FHIT: variants seen among roughly 807,000 people sequenced by gnomAD.
The protein encoded by FHIT is fragile histidine triad diadenosine triphosphatase, also known as bis(5'-adenosyl)-triphosphatase.
In FHIT, 19 loss-of-function variants were observed where a neutral mutation model predicts 17.9. That is an observed-to-expected ratio of 1.06 (90% CI 0.74 to 1.56). The LOEUF (loss-of-function observed/expected upper bound fraction) is 1.56, where lower values mean the gene tolerates loss of function less well. Among genes scored for constraint, FHIT ranks in the 40% most tolerant of loss-of-function variants. The probability of loss-of-function intolerance (pLI) is 0.00; values close to 1 mark genes in which losing one functional copy is unlikely to be tolerated. For synonymous variants in FHIT, 81 were observed against 69.7 expected (o/e 1.16, Z -0.81); for missense variants, 248 against 189.2 (o/e 1.31, Z -1.82).
chr3:60,683,176 A>G (rs1553697357), intron 4 of FHIT, among the ~76,000 whole-genome samples: 1 of 152,216 alleles, frequency 6.6e-6, no homozygotes, highest in Non-Finnish European at 1.5e-5. Flanking sequence ...ACATCGTTGA[A>G]ATGACAACAA....
Position 60,781,846 on chromosome 3 carries a change from T to C in FHIT, c.-18+40073A>G, listed in dbSNP as rs370505106. 8.7e-4 allele frequency among the ~76,000 whole-genome samples: 133 copies of C among 152,364 alleles called. 2 individuals carry two copies. The South Asian group carries it at 0.026, about 30-fold the overall frequency. On this transcript the variant is annotated intron_variant, in intron 4 of 9. Transcript: ENST00000492590. ...ATTTCATTTTTTTCATTTTATTGAA[T>C]ATAGACAAATTATAGTTGTATATCT...
At chr3:60,723,405 T>C (rs1370410835) in intron 4 of FHIT, among the ~76,000 whole-genome samples, 3 of 152,182 alleles carry the variant, frequency 2.0e-5, no homozygotes, top group Non-Finnish European at 4.4e-5. Flanking sequence ...GTGGCCACTA[T>C]GCCTCACCTG....
chr3:61,210,722 G>C (rs1241097601), intron 1 of FHIT, among the ~76,000 whole-genome samples: 1 of 152,068 alleles, frequency 6.6e-6, no homozygotes, highest in East Asian at 2.0e-4. Context: ...TCTTTTACTA[G>C]GAAAGGGAAT....
chr3:60,439,639 C>A (rs545769944), intron 5 of FHIT, among the ~76,000 whole-genome samples: 7 of 152,210 alleles, frequency 4.6e-5, no homozygotes, highest in African/African-American at 1.7e-4. Flanking sequence ...AATACCAGAA[C>A]AGCAGCCTGG....
At chr3:59,800,657 T>C (rs758250958) in intron 8 of FHIT, among the ~76,000 whole-genome samples, 2 of 152,192 alleles carry the variant, frequency 1.3e-5, no homozygotes, top group Non-Finnish European at 2.9e-5. Context: ...GTGCACCCCT[T>C]TCTTGGGCCA....
chr3:60,114,989 T>C (rs550056980), intron 5 of FHIT, among the ~76,000 whole-genome samples: 1 of 152,196 alleles, frequency 6.6e-6, no homozygotes, highest in East Asian at 1.9e-4. Context: ...GGCTAACTAT[T>C]TAAGGAAAAT....
At chr3:61,013,667 A>G (rs1248707450) in intron 3 of FHIT, among the ~76,000 whole-genome samples, 1 of 152,212 alleles carries the variant, frequency 6.6e-6, no homozygotes, top group Non-Finnish European at 1.5e-5. Context: ...TGCCATCATG[A>G]TATCAGAGAA....
At chr3:61,169,705 T>C (rs760501880) in intron 2 of FHIT, among the ~76,000 whole-genome samples, 4 of 152,172 alleles carry the variant, frequency 2.6e-5, no homozygotes, top group Non-Finnish European at 5.9e-5. Context: ...GAAACAAATG[T>C]TAAACAAAAA....
chr3:60,774,426 G>A (rs958497184), intron 4 of FHIT, among the ~76,000 whole-genome samples: 4 of 152,072 alleles, frequency 2.6e-5, no homozygotes, highest in Admixed American at 6.5e-5. Context: ...TCAGCCTCCC[G>A]AGTAGTTGGG....
In FHIT at chr3:61,056,160, G is replaced by A. The variant is rs376569370; in HGVS notation, c.-163-14061C>T. Among the ~76,000 whole-genome samples, 41 of 152,290 alleles carry A rather than the reference G, an allele frequency of 2.7e-4. No homozygotes were observed. In the East Asian group the frequency reaches 3.1e-3, roughly 11 times the overall value. On this transcript the variant is annotated intron_variant, in intron 2 of 9. Transcript: ENST00000492590. ...TTACCTGTTGGGTGGGATGGCTCAC[G>A]CCTGTAATCCCAGCTCTCAGGGAGG...
chr3:60,905,885 C>G (rs1364990365), intron 3 of FHIT, among the ~76,000 whole-genome samples: 1 of 152,070 alleles, frequency 6.6e-6, no homozygotes, highest in Non-Finnish European at 1.5e-5. Context: ...GTGGGACTTT[C>G]TTGAACAATT....
intron 5 of FHIT, among the ~76,000 whole-genome samples, chr3:60,451,064 G>A (rs1317356239): frequency 6.6e-6 from 1 of 152,012 alleles, no homozygotes; most frequent in Non-Finnish European, 1.5e-5. Flanking sequence ...GAAGGCAATC[G>A]CAACATTAAC....
intron 7 of FHIT, among the ~76,000 whole-genome samples, chr3:59,940,569 A>G (rs1189721138): frequency 1.3e-5 from 2 of 152,162 alleles, no homozygotes; most frequent in South Asian, 4.1e-4. Flanking sequence ...GGTTTCTCCC[A>G]CTGGGGTACA....
intron 5 of FHIT, among the ~76,000 whole-genome samples, chr3:60,417,364 T>C (rs1260848769): frequency 6.6e-6 from 1 of 152,112 alleles, no homozygotes; most frequent in Admixed American, 6.6e-5. Context: ...AAAAAATTCG[T>C]TAGAGAATGA....
intron 3 of FHIT, among the ~76,000 whole-genome samples, chr3:60,923,830 G>A (rs962253965): frequency 3.3e-5 from 5 of 152,228 alleles, no homozygotes; most frequent in African/African-American, 7.2e-5. Flanking sequence ...GGTGACAGAC[G>A]GCACCTGGAA....
chr3:60,140,969 G>C (rs886462641), intron 5 of FHIT, among the ~76,000 whole-genome samples: 6 of 152,090 alleles, frequency 3.9e-5, no homozygotes, highest in African/African-American at 9.7e-5. Flanking sequence ...CTTTTTCTTA[G>C]AAGGTCTAGG....
chr3:60,363,176 G>C (rs763699449), intron 5 of FHIT, among the ~76,000 whole-genome samples: 1 of 152,184 alleles, frequency 6.6e-6, no homozygotes, highest in South Asian at 2.1e-4. Context: ...CTCTAAATTC[G>C]TGGTGCTCCT....
rs1450315874 is a variant in FHIT at position 60,416,359 on chromosome 3, T to A, written c.103+120501A>T. Reference sequence around the variant, plus strand: ...TAAATGCTGTGATACAGAAATCCTATTTTTTCCTATTGATTCTACACTCAG... The same window carrying A: ...TAAATGCTGTGATACAGAAATCCTAATTTTTCCTATTGATTCTACACTCAG... On this transcript the variant is annotated intron_variant, in intron 5 of 9. Coordinates refer to ENST00000492590, the MANE Select transcript of FHIT (RefSeq NM_002012.4). Among the ~76,000 whole-genome samples the A allele has an allele frequency of 4.6e-5, 7 of 152,202 alleles. No individual in the cohort carries two copies. In the East Asian group the frequency reaches 1.3e-3, roughly 29 times the overall value.
intron 2 of FHIT, among the ~76,000 whole-genome samples, chr3:61,094,042 C>G (rs1185235137): frequency 1.3e-5 from 2 of 152,070 alleles, no homozygotes; most frequent in Non-Finnish European, 2.9e-5. Context: ...TAGGTGTCCT[C>G]AACTTGGGAT....
Sources: allele counts gnomAD v4.1 joint callset (sites outside exome capture counted in the v4.1 genomes callset), GRCh38; gene constraint gnomAD v4.1.1; transcripts MANE v1.5; gene names NCBI Gene and HGNC (gene_info 2026-07-23, HGNC 2026-07-21).